Variants in PDZD9 observed in about 807,000 individuals in gnomAD.
PDZD9 encodes the protein PDZ domain containing 9.
A neutral mutation model predicts 16.3 loss-of-function variants in PDZD9; 13 were observed. That is an observed-to-expected ratio of 0.80 (90% CI 0.52 to 1.27). PDZD9 has a LOEUF of 1.27. Among genes scored for constraint, PDZD9 ranks in the 50% most tolerant of loss-of-function variants. The pLI, the probability that PDZD9 is intolerant of heterozygous loss-of-function variation, is 0.00. For synonymous variants in PDZD9, 120 were observed against 111.0 expected, an observed-to-expected ratio of 1.08 and a Z score of -0.51; for missense variants, 288 against 310.9, an observed-to-expected ratio of 0.93 and a Z score of 0.55.
the PDZD9 span, among the ~76,000 whole-genome samples, chr16:21,968,125 C>T: frequency 5.9e-5 from 9 of 151,908 alleles, no homozygotes; most frequent in East Asian, 9.7e-4. Flanking sequence ...CCTCAGCCAC[C>T]CATGTAGCTG....
chr16:21,994,702 C>T (rs544962635), intron 2 of PDZD9, among the ~76,000 whole-genome samples: 7 of 152,118 alleles, frequency 4.6e-5, no homozygotes, highest in Non-Finnish European at 7.3e-5. Context: ...ATACTGCCTA[C>T]GAAAGAAAAT....
In PDZD9 at chr16:21,984,218, A is replaced by C; in HGVS notation, c.*49T>G. ...ACAGCAAACTTGTGCCTGGTGAGGC[A>C]CAAAACTTGGGTGTCTGCAAGATAA... On this transcript the variant is annotated 3_prime_UTR_variant, in exon 4 of 4. Coordinates refer to ENST00000424898, the MANE Select transcript of PDZD9 (RefSeq NM_001363519.1). The C allele has an allele frequency of 6.4e-7, 1 of 1,551,990 alleles. No individual in the cohort carries two copies. Among genetic ancestry groups the C allele is most frequent in the East Asian group, 2.3e-5 (1 of 44,324 alleles).
the PDZD9 span, chr16:21,976,765 T>C: frequency 1.3e-5 from 2 of 152,212 alleles, no homozygotes; most frequent in Non-Finnish European, 2.9e-5. Flanking sequence ...TTTTATCTTA[T>C]TTAAATAGCA....
downstream of PDZD9, among the ~76,000 whole-genome samples, chr16:21,981,902 G>A (rs569562106): frequency 3.3e-5 from 5 of 149,444 alleles, no homozygotes; most frequent in African/African-American, 9.9e-5. Flanking sequence ...GTGCAGTGGC[G>A]CGATCTCGGC....
intron 3 of PDZD9, among the ~76,000 whole-genome samples, chr16:21,988,196 G>A (rs1898929680): frequency 6.6e-6 from 1 of 151,918 alleles, no homozygotes; most frequent in Admixed American, 6.6e-5. Flanking sequence ...TACTAGTAGA[G>A]ACGGGGTTTC....
At chr16:22,000,870 GATGATA>G (rs1445857770) in intron 1 of PDZD9, 141 bp downstream of exon 1, 119 of 618,626 alleles carry the variant, frequency 1.9e-4, no homozygotes, top group South Asian at 9.7e-4. Context: ...TGATGATGAT[GATGATA>G]ATGATGATGA....
At position 21,984,520 on chromosome 16, in the gene PDZD9, G is replaced by C. The variant is rs1228302716; in HGVS notation, c.542C>G (p.Ser181Cys). 1 of 1,607,498 alleles carries C rather than the reference G, an allele frequency of 6.2e-7. No individual in the cohort carries two copies. The change falls in exon 4 of 4, where the codon TCC becomes TGC. Residue 181 changes from serine (S) to cysteine (C), a missense_variant. Ser to Cys is a moderately radical substitution (Grantham distance 112, BLOSUM62 -1). Coordinates refer to ENST00000424898, the MANE Select transcript of PDZD9 (RefSeq NM_001363519.1). ...TVHHPARRPI[S>C]ISRDWHGYKK... is the part of the protein sequence containing the mutation. ...ATATCCATGCCAGTCTCTGGAGATG[G>C]ATATTGGTCTCCTTGCAGGGTGATG... is the stretch of plus-strand genomic sequence containing the variant.
the PDZD9 span, among the ~76,000 whole-genome samples, chr16:21,969,249 C>G: frequency 6.6e-6 from 1 of 151,982 alleles, no homozygotes; most frequent in African/African-American, 2.4e-5. Flanking sequence ...TGTTAAAATT[C>G]TAGGCTGGGC....
chr16:21,958,803 C>T, the PDZD9 span, among the ~76,000 whole-genome samples: 3 of 152,074 alleles, frequency 2.0e-5, no homozygotes, highest in Non-Finnish European at 2.9e-5. Context: ...TAGATATCTG[C>T]AATATATAGG....
chr16:21,982,263 T>G (rs1005664374), downstream of PDZD9, among the ~76,000 whole-genome samples: 3 of 152,118 alleles, frequency 2.0e-5, no homozygotes, highest in East Asian at 1.9e-4. Context: ...TGACAGAATA[T>G]GGGGGCTGCT....
At chr16:21,976,571 A>C in the PDZD9 span, 1 of 226,424 alleles carries the variant, frequency 4.4e-6, no homozygotes, top group East Asian at 1.1e-4. Context: ...TAGTTTATTG[A>C]TCATGCATTT....
chr16:21,997,039 T>A (rs954147715), intron 1 of PDZD9, among the ~76,000 whole-genome samples: 3 of 152,160 alleles, frequency 2.0e-5, no homozygotes, highest in Non-Finnish European at 4.4e-5. Flanking sequence ...GCCAGGCTAG[T>A]CTTGAACTCC....
Position 21,984,034 on chromosome 16 carries a change from T to C in PDZD9, c.*233A>G, listed in dbSNP as rs1184095944. 5.2e-6 allele frequency: 2 copies of C among 382,934 alleles called. No individual in the cohort carries two copies. The highest frequency in any genetic ancestry group is 9.3e-6 in the Non-Finnish European group (2 of 214,224). The allele number at this position is 382,934 out of a possible 1,614,324, so 23.7% of individuals were successfully genotyped here. A position where few individuals can be genotyped will look rare whatever the true frequency, so the allele number is the denominator to read the frequency against. ...GCATTTTCTAAAAGAAAGAAATTCTTCTCAAAAAGGAGGGTCTTATTCTGA... is the reference window on the plus strand; with the variant it reads ...GCATTTTCTAAAAGAAAGAAATTCTCCTCAAAAAGGAGGGTCTTATTCTGA... On this transcript the variant is annotated 3_prime_UTR_variant, in exon 4 of 4. Coordinates refer to ENST00000424898, the MANE Select transcript of PDZD9 (RefSeq NM_001363519.1).
the PDZD9 span, among the ~76,000 whole-genome samples, chr16:21,967,892 A>T: frequency 1.3e-5 from 2 of 152,148 alleles, no homozygotes; most frequent in African/African-American, 4.8e-5. Flanking sequence ...ATTACTACTT[A>T]TATAAACACA....
At chr16:21,996,021 A>G (rs1899140740) in intron 2 of PDZD9, among the ~76,000 whole-genome samples, 3 of 152,074 alleles carry the variant, frequency 2.0e-5, no homozygotes, top group Admixed American at 1.3e-4. Flanking sequence ...CGAACTCCCT[A>G]CCTCAGGATC....
chr16:21,976,115 C>T, the PDZD9 span: 2 of 1,286,500 alleles, frequency 1.6e-6, no homozygotes, highest in African/African-American at 1.5e-5. Flanking sequence ...GTCAGTGCTG[C>T]AGGAGACTCT....
At chr16:21,971,339 A>G in the PDZD9 span, among the ~76,000 whole-genome samples, 6 of 152,358 alleles carry the variant, frequency 3.9e-5, no homozygotes, top group South Asian at 1.0e-3. Flanking sequence ...AGTATATAGT[A>G]AATAGTTTAG....
the PDZD9 span, among the ~76,000 whole-genome samples, chr16:21,958,088 T>TG: frequency 3.3e-5 from 5 of 152,080 alleles, no homozygotes; most frequent in Non-Finnish European, 5.9e-5. Flanking sequence ...GACATAAATT[T>TG]GGGGGGGAAC....
the PDZD9 span, among the ~76,000 whole-genome samples, chr16:21,965,833 C>G: frequency 6.6e-6 from 1 of 152,122 alleles, no homozygotes; most frequent in Non-Finnish European, 1.5e-5. Context: ...AAACCGTTTT[C>G]TGTGTGTATG....
Sources: gnomAD v4.1 joint callset for allele counts (sites outside exome capture counted in the v4.1 genomes callset) on GRCh38, gnomAD v4.1.1 for gene constraint, MANE v1.5 for transcripts, NCBI Gene and HGNC (gene_info 2026-07-23, HGNC 2026-07-21) for gene names.